The following CAST variants were observed in gnomAD, a reference collection of about 807,000 sequenced individuals.
CAST encodes MIR583 host.
CAST carries 76 observed loss-of-function variants against 119.6 expected under a neutral mutation model. The ratio of observed to expected loss-of-function variants is 0.64; its 90% CI spans 0.53 to 0.77. CAST has a LOEUF of 0.77. CAST is among the 30% of genes least tolerant of loss of function. The pLI is 0.00. For synonymous variants in CAST, 319 were observed against 331.6 expected (o/e 0.96, Z 0.41); for missense variants, 953 against 946.5 (o/e 1.01, Z -0.09).
At chr5:96,502,464 T>G in the CAST span, among the ~76,000 whole-genome samples, 1 of 151,914 alleles carries the variant, frequency 6.6e-6, no homozygotes, top group Non-Finnish European at 1.5e-5. Context: ...TAATTTTTTA[T>G]TTCTTAAAAT....
At chr5:96,381,010 G>C in the CAST span, among the ~76,000 whole-genome samples, 16 of 152,218 alleles carry the variant, frequency 1.1e-4, no homozygotes, top group African/African-American at 3.6e-4. Context: ...TATCACAGGA[G>C]AATATCCACA....
intron 1 of CAST, among the ~76,000 whole-genome samples, chr5:96,668,353 C>T (rs576731982): frequency 6.6e-6 from 1 of 152,300 alleles, no homozygotes; most frequent in African/African-American, 2.4e-5. Flanking sequence ...AAGTACTAAA[C>T]AAAAACTTAA....
chr5:96,592,773 T>TC (rs1472752804), intron 1 of CAST, among the ~76,000 whole-genome samples: 2 of 151,596 alleles, frequency 1.3e-5, no homozygotes, highest in Admixed American at 1.3e-4. Context: ...TCTTTTTTTT[T>TC]TTCTTTTTTG....
intron 1 of CAST, among the ~76,000 whole-genome samples, chr5:96,557,083 C>T (rs561920108): frequency 6.6e-6 from 1 of 152,114 alleles, no homozygotes; most frequent in Non-Finnish European, 1.5e-5. Context: ...GAATTTTCAA[C>T]CCAGAATTTC....
chr5:96,376,374 T>C, the CAST span, among the ~76,000 whole-genome samples: 1 of 152,140 alleles, frequency 6.6e-6, no homozygotes, highest in Non-Finnish European at 1.5e-5. Flanking sequence ...TAGCTAATGA[T>C]AATAAACAAC....
the CAST span, among the ~76,000 whole-genome samples, chr5:96,074,823 T>G: frequency 6.6e-6 from 1 of 152,228 alleles, no homozygotes; most frequent in Non-Finnish European, 1.5e-5. Context: ...TCATAGTGTG[T>G]GATTTTGGAA....
In CAST at chr5:96,766,089, G is replaced by A. The variant is rs1278576545; in HGVS notation, c.2074G>A (p.Glu692Lys). ...AGCTGAACATAGAGACAAGCTTGGA[G>A]AAAGAGATGACACTATCCCACCTGA... Reference protein sequence around the residue: ...AKAEHRDKLGERDDTIPPEYR... With the variant: ...AKAEHRDKLGKRDDTIPPEYR... The change falls in exon 27 of 32, where the codon GAA becomes AAA. Residue 692 changes from glutamate (E) to lysine (K), a missense_variant. Coordinates refer to ENST00000675179, the MANE Select transcript of CAST (RefSeq NM_001750.7). 1.2e-6 allele frequency: 2 copies of A among 1,611,246 alleles called. No homozygotes were observed.
the CAST span, among the ~76,000 whole-genome samples, chr5:96,136,922 C>T: frequency 0.02 from 2,976 of 152,234 alleles, 53 homozygotes; most frequent in Middle Eastern, 0.034. Flanking sequence ...CACTTACTTC[C>T]GAAGCTATTT....
the CAST span, among the ~76,000 whole-genome samples, chr5:96,226,451 G>A: frequency 6.6e-6 from 1 of 152,122 alleles, no homozygotes; most frequent in Non-Finnish European, 1.5e-5. Flanking sequence ...AGGAGTTCGA[G>A]ACCGGCCTGG....
chr5:96,057,118 C>T, the CAST span, among the ~76,000 whole-genome samples: 1 of 152,118 alleles, frequency 6.6e-6, no homozygotes, highest in Non-Finnish European at 1.5e-5. Context: ...GAATTAGTTT[C>T]AACTCAGCAT....
the CAST span, among the ~76,000 whole-genome samples, chr5:95,978,216 AT>A: frequency 1.3e-5 from 2 of 152,176 alleles, no homozygotes; most frequent in South Asian, 4.1e-4. Flanking sequence ...TCTTTGAGGA[AT>A]CTCCACACTG....
chr5:96,065,445 A>G, the CAST span, among the ~76,000 whole-genome samples: 1 of 151,676 alleles, frequency 6.6e-6, no homozygotes, highest in Non-Finnish European at 1.5e-5. Flanking sequence ...TTATATGTAT[A>G]TATGTAGAAA....
At chr5:96,762,955 GC>G in intron 25 of CAST, 2 of 566,614 alleles carry the variant, frequency 3.5e-6, no homozygotes, top group Non-Finnish European at 6.3e-6. Context: ...TGGGACCAAA[GC>G]TTTTCCAGAC....
At chr5:96,096,696 A>AC in the CAST span, among the ~76,000 whole-genome samples, 1 of 152,032 alleles carries the variant, frequency 6.6e-6, no homozygotes, top group African/African-American at 2.4e-5. Context: ...CCAGTTTAAG[A>AC]CCCTTTCCAT....
At chr5:96,434,534 C>A in the CAST span, among the ~76,000 whole-genome samples, 2 of 151,858 alleles carry the variant, frequency 1.3e-5, no homozygotes, top group African/African-American at 4.8e-5. Flanking sequence ...CTCTTGGGAA[C>A]GTGTTGGACT....
chr5:96,590,336 G>A (rs1746941022), intron 1 of CAST, among the ~76,000 whole-genome samples: 1 of 152,170 alleles, frequency 6.6e-6, no homozygotes. Flanking sequence ...ACTTGGAAGG[G>A]CTAAATATTC....
chr5:96,627,899 C>A (rs1050723484), intron 1 of CAST, among the ~76,000 whole-genome samples: 1 of 152,224 alleles, frequency 6.6e-6, no homozygotes, highest in Non-Finnish European at 1.5e-5. Flanking sequence ...GCCATGCTTT[C>A]ATTTTCATTT....
chr5:96,562,545 T>G (rs1746400091), intron 1 of CAST, among the ~76,000 whole-genome samples: 1 of 152,194 alleles, frequency 6.6e-6, no homozygotes, highest in Non-Finnish European at 1.5e-5. Flanking sequence ...TACAAAATGA[T>G]ACAATCTTAA....
the CAST span, among the ~76,000 whole-genome samples, chr5:96,116,906 A>G: frequency 1.3e-5 from 2 of 152,010 alleles, no homozygotes; most frequent in Non-Finnish European, 2.9e-5. Context: ...TTTATTTTTA[A>G]ATTATGGGGT....
Sources: allele counts gnomAD v4.1 joint callset (sites outside exome capture counted in the v4.1 genomes callset), GRCh38; gene constraint gnomAD v4.1.1; transcripts MANE v1.5; gene names NCBI Gene and HGNC (gene_info 2026-07-23, HGNC 2026-07-21).